Variants in RELN observed in about 807,000 individuals in gnomAD.
RELN encodes the protein reelin.
In RELN, 108 loss-of-function variants were observed where a neutral mutation model predicts 427.6. The ratio of observed to expected loss-of-function variants is 0.25; its 90% confidence interval spans 0.22 to 0.30. RELN has a LOEUF of 0.30. Among genes scored for constraint, RELN ranks in the 10% least tolerant of loss-of-function variants. The pLI is 1.00. For missense variants in RELN, 3,715 were observed against 4,302.8 expected, an observed-to-expected ratio of 0.86 and a Z score of 3.82; for synonymous variants, 1,524 against 1,513.4, an observed-to-expected ratio of 1.01 and a Z score of -0.16.
chr7:103,778,182 G>A (rs1195194365), intron 3 of RELN, among the ~76,000 whole-genome samples: 1 of 152,108 alleles, frequency 6.6e-6, no homozygotes, highest in East Asian at 1.9e-4. Flanking sequence ...CATAAACATG[G>A]CCTAGAGGCT....
intron 3 of RELN, among the ~76,000 whole-genome samples, chr7:103,792,427 T>G (rs560571139): frequency 1.3e-5 from 2 of 152,112 alleles, no homozygotes; most frequent in African/African-American, 4.8e-5. Context: ...ACAATATCAA[T>G]CAACCTTGAA....
At chr7:103,781,624 C>G (rs963111226) in intron 3 of RELN, among the ~76,000 whole-genome samples, 1 of 152,066 alleles carries the variant, frequency 6.6e-6, no homozygotes, top group African/African-American at 2.4e-5. Context: ...TCCTGTCTAA[C>G]TGAAATTTTG....
At chr7:103,504,784 G>A (rs1829150935) in intron 51 of RELN, among the ~76,000 whole-genome samples, 1 of 152,218 alleles carries the variant, frequency 6.6e-6, no homozygotes, top group African/African-American at 2.4e-5. Flanking sequence ...GCCTGGCTCA[G>A]TGAGTCCCAC....
At chr7:103,888,904 A>G (rs1000511965) in intron 2 of RELN, among the ~76,000 whole-genome samples, 3 of 152,080 alleles carry the variant, frequency 2.0e-5, no homozygotes, top group African/African-American at 7.2e-5. Context: ...CTGCTGACCC[A>G]CACTTATCAT....
chr7:103,773,997 G>A (rs748964063), intron 4 of RELN, among the ~76,000 whole-genome samples: 44 of 152,044 alleles, frequency 2.9e-4, no homozygotes, highest in Non-Finnish European at 4.7e-4. Context: ...ATAAAGTTTT[G>A]CAGAATAATG....
chr7:103,749,457 A>G lies in RELN; in HGVS notation c.625T>C (p.Tyr209His). The change falls in exon 6 of 65, where the codon TAC becomes CAC. Residue 209 changes from tyrosine to histidine, a missense_variant. Physicochemically the swap from Tyr to His is moderately conservative, Grantham distance 83 (BLOSUM62 2). Around this residue, in one of 4 missense-constraint regions of RELN, gnomAD observed 2,208 missense variants for 2,361.7 expected, o/e 0.93. Transcript: ENST00000428762. ...SIILRDDFDS[Y>H]HQLQLNPNIW... The stretch of plus-strand genomic sequence containing the variant: ...TTTGGATTTAATTGCAGTTGGTGGT[A>G]GGAGTCAAAGTCATCTCTCAGGATA... 1.2e-6 allele frequency: 2 copies of G among 1,613,368 alleles called. No individual in the cohort carries two copies. The highest frequency in any genetic ancestry group is 4.5e-5 in the East Asian group (2 of 44,812).
intron 44 of RELN, chr7:103,539,576 C>T (rs2117127688): frequency 2.0e-6 from 1 of 509,994 alleles, no homozygotes; most frequent in East Asian, 3.7e-5. Context: ...ATTGGCCAAA[C>T]TGTGCCTTTG....
chr7:103,838,860 G>A (rs564208210), intron 2 of RELN, among the ~76,000 whole-genome samples: 4 of 152,284 alleles, frequency 2.6e-5, no homozygotes, highest in African/African-American at 7.2e-5. Context: ...CTACCTTAAC[G>A]TCCTACCTTG....
At chr7:103,556,597 T>C (rs1165808357) in intron 38 of RELN, among the ~76,000 whole-genome samples, 2 of 152,142 alleles carry the variant, frequency 1.3e-5, no homozygotes, top group East Asian at 3.9e-4. Flanking sequence ...AGCAGTTTCC[T>C]CCATAATGTT....
intron 1 of RELN, among the ~76,000 whole-genome samples, chr7:103,940,573 C>T (rs545897196): frequency 1.3e-5 from 2 of 152,290 alleles, no homozygotes; most frequent in African/African-American, 2.4e-5. Flanking sequence ...TTCCATATCC[C>T]CTTATGTGGA....
In RELN at chr7:103,824,286, T is replaced by G. The variant is rs112147847; in HGVS notation, c.473+9251A>C. On this transcript the variant is annotated intron_variant, in intron 3 of 64. Coordinates refer to ENST00000428762, the MANE Select transcript of RELN (RefSeq NM_005045.4). The surrounding 1 kb of genome is among the most constrained non-coding windows in gnomAD (Gnocchi z 4.4). ...CTTGGAGTTCTGCACAGATTACTAA[T>G]GTAAAGCTAGACTCCATATACTGAG... Among the ~76,000 whole-genome samples the G allele has an allele frequency of 6.6e-6, 1 of 152,106 alleles. No homozygotes were observed. The highest frequency in any genetic ancestry group is 1.5e-5 in the Non-Finnish European group (1 of 68,020).
intron 62 of RELN, 142 bp downstream of exon 62, chr7:103,483,511 G>C: frequency 3.5e-6 from 3 of 852,120 alleles, no homozygotes; most frequent in South Asian, 1.3e-5. Flanking sequence ...TGGAGATCTG[G>C]GTTAGTCTTC....
chr7:103,762,964 T>C (rs1449865982), intron 4 of RELN, among the ~76,000 whole-genome samples: 2 of 152,186 alleles, frequency 1.3e-5, no homozygotes, highest in Non-Finnish European at 2.9e-5. Context: ...CCCCCAGGAC[T>C]TCAATTTGGT....
chr7:103,551,919 C>T (rs181239666), intron 40 of RELN, among the ~76,000 whole-genome samples: 225 of 147,566 alleles, frequency 1.5e-3, no homozygotes, highest in Non-Finnish European at 2.5e-3. Flanking sequence ...TCCATAGTTA[C>T]CTTCTGTGTG....
intron 2 of RELN, among the ~76,000 whole-genome samples, chr7:103,851,893 ATG>A: frequency 6.6e-6 from 1 of 152,340 alleles, no homozygotes; most frequent in Middle Eastern, 3.4e-3. Flanking sequence ...GGAACAGAAA[ATG>A]TGAGCCCTCT....
intron 1 of RELN, among the ~76,000 whole-genome samples, chr7:103,936,358 G>A (rs1309208293): frequency 1.3e-5 from 2 of 152,126 alleles, no homozygotes; most frequent in African/African-American, 4.8e-5. Context: ...CTCCCAAAGT[G>A]ATGGGATTAC....
At chr7:103,976,820 T>C (rs891081459) in intron 1 of RELN, among the ~76,000 whole-genome samples, 6 of 151,990 alleles carry the variant, frequency 3.9e-5, no homozygotes, top group African/African-American at 1.5e-4. Context: ...AATCAAGAGG[T>C]CGGGCAAATT....
chr7:103,881,714 C>T lies in RELN; in HGVS notation c.337+35361G>A, dbSNP rs190981557. ...ACCAGATTTGCAAGTGAAAAAGTAA[C>T]GTCATCTCGGATGTTCCACCCTCAG... is the stretch of plus-strand genomic sequence containing the variant. On this transcript the variant is annotated intron_variant, in intron 2 of 64. Transcript: ENST00000428762. Among the ~76,000 whole-genome samples, 17 of 152,226 alleles carry T rather than the reference C, an allele frequency of 1.1e-4. No homozygotes were observed. In the East Asian group the frequency reaches 3.3e-3, roughly 29 times the overall value.
chr7:103,742,970 C>T (rs1211648049), intron 6 of RELN, among the ~76,000 whole-genome samples: 2 of 151,370 alleles, frequency 1.3e-5, no homozygotes, highest in Non-Finnish European at 2.9e-5. Context: ...TCAGATTCAC[C>T]AAAGTTGAAA....
Sources: gnomAD v4.1 joint callset for allele counts (sites outside exome capture counted in the v4.1 genomes callset) on GRCh38, gnomAD v4.1.1 for gene constraint, gnomAD v4.1.1 regional missense constraint, Gnocchi (gnomAD v3.1) non-coding constraint, MANE v1.5 for transcripts, NCBI Gene and HGNC (gene_info 2026-07-23, HGNC 2026-07-21) for gene names.